The following ABCB5 variants were observed in gnomAD, a reference collection of about 807,000 sequenced individuals.
ABCB5 encodes the protein ATP binding cassette subfamily B member 5.
Under a neutral mutation model 144.2 loss-of-function variants are expected in ABCB5, and 155 were observed. That is an observed-to-expected ratio of 1.08 (90% CI 0.94 to 1.23). ABCB5 has a LOEUF of 1.23. ABCB5 is among the 50% of genes most tolerant of loss of function. The pLI is 0.00. For synonymous variants in ABCB5, 610 were observed against 528.6 expected (o/e 1.15, Z -2.11); for missense variants, 1,830 against 1,520.8 (o/e 1.20, Z -3.38).
chr7:20,735,132 A>G (rs1315905182), intron 23 of ABCB5, among the ~76,000 whole-genome samples: 1 of 152,200 alleles, frequency 6.6e-6, no homozygotes. Context: ...CATATAGGTA[A>G]GAAAGAATCA....
chr7:20,677,318 T>G (rs1785649061), intron 14 of ABCB5, among the ~76,000 whole-genome samples: 1 of 152,230 alleles, frequency 6.6e-6, no homozygotes, highest in Admixed American at 6.5e-5. Context: ...CTACTTTTTG[T>G]GACAGGAAAT....
At chr7:20,646,231 A>G in intron 9 of ABCB5, 93 bp downstream of exon 9, 1 of 1,227,006 alleles carries the variant, frequency 8.1e-7, no homozygotes, top group Non-Finnish European at 1.1e-6. Context: ...ATATTCAAAG[A>G]TGGATGTTTT....
chr7:20,680,474 G>A (rs1441295261), intron 14 of ABCB5, among the ~76,000 whole-genome samples: 3 of 151,940 alleles, frequency 2.0e-5, no homozygotes, highest in African/African-American at 7.3e-5. Context: ...TCAGGAGGCT[G>A]AGGCAGAATG....
chr7:20,637,609 G>A (rs1308000288), intron 5 of ABCB5, among the ~76,000 whole-genome samples: 2 of 151,888 alleles, frequency 1.3e-5, no homozygotes, highest in Non-Finnish European at 2.9e-5. Context: ...TAGTAGAAAT[G>A]GGGGTTCTCC....
At chr7:20,644,850 C>T (rs1784367991) in intron 7 of ABCB5, among the ~76,000 whole-genome samples, 1 of 152,184 alleles carries the variant, frequency 6.6e-6, no homozygotes, top group African/African-American at 2.4e-5. Context: ...ATTTGGACAG[C>T]ATGTCTTTAC....
intron 3 of ABCB5, 50 bp from the exon 4 acceptor site, chr7:20,628,638 G>GTGTT: frequency 6.4e-7 from 1 of 1,572,296 alleles, no homozygotes; most frequent in Non-Finnish European, 8.7e-7. Context: ...TGTGCTTGGT[G>GTGTT]TGTTTGTTTG....
intron 5 of ABCB5, among the ~76,000 whole-genome samples, chr7:20,642,213 C>T (rs894654882): frequency 6.6e-6 from 1 of 152,138 alleles, no homozygotes; most frequent in Non-Finnish European, 1.5e-5. Context: ...CTGTAAAAAC[C>T]CTAGAATATG....
At chr7:20,676,383 T>C (rs1785609547) in intron 14 of ABCB5, among the ~76,000 whole-genome samples, 2 of 151,850 alleles carry the variant, frequency 1.3e-5, no homozygotes. Flanking sequence ...TAAAGAAAAA[T>C]ATGATACCTA....
At chr7:20,697,336 T>G (rs1477891879) in intron 16 of ABCB5, among the ~76,000 whole-genome samples, 1 of 152,198 alleles carries the variant, frequency 6.6e-6, no homozygotes, top group East Asian at 1.9e-4. Flanking sequence ...ATAGTCTTAC[T>G]TGAAGAATTC....
chr7:20,646,180 T>C (rs759286213), intron 9 of ABCB5, 42 bp downstream of exon 9: 1 of 1,551,876 alleles, frequency 6.4e-7, no homozygotes, highest in Non-Finnish European at 8.7e-7. Flanking sequence ...CTGGATAATC[T>C]TTCCTTACCT....
At chr7:20,715,601 A>C (rs1343989542) in intron 20 of ABCB5, among the ~76,000 whole-genome samples, 1 of 151,960 alleles carries the variant, frequency 6.6e-6, no homozygotes. Flanking sequence ...GTAGAGACAG[A>C]GTCTTGCATG....
rs118083328 is a variant in ABCB5 at position 20,672,762 on chromosome 7, C to T, written c.1708-8743C>T. Among the ~76,000 whole-genome samples the T allele has an allele frequency of 4.4e-3, 673 of 152,114 alleles. 3 individuals carry two copies. The highest frequency in any genetic ancestry group is 9.2e-3 in the Admixed American group (140 of 15,266). ...TTTGCATATAGACTTCCAGTTGGTC[C>T]TGTACAATTTGTTGAAAAAATTATC... On this transcript the variant is annotated intron_variant, in intron 14 of 27. Transcript: ENST00000404938.
At chr7:20,685,880 A>T (rs758694130) in intron 16 of ABCB5, 44 bp downstream of exon 16, 1 of 1,544,622 alleles carries the variant, frequency 6.5e-7, no homozygotes, top group Admixed American at 2.2e-5. Flanking sequence ...ATGTTTTCTA[A>T]TTTTGATTTA....
chr7:20,700,925 G>C (rs560512552), intron 19 of ABCB5, among the ~76,000 whole-genome samples: 1 of 152,190 alleles, frequency 6.6e-6, no homozygotes, highest in African/African-American at 2.4e-5. Context: ...CAACTGAGTC[G>C]TCAAAACCCA....
intron 14 of ABCB5, among the ~76,000 whole-genome samples, chr7:20,668,635 G>T (rs1396397498): frequency 6.7e-6 from 1 of 149,032 alleles, no homozygotes; most frequent in Non-Finnish European, 1.5e-5. Flanking sequence ...CCCCGTCCGG[G>T]AGGTGAGGGA....
At chr7:20,705,586 T>C (rs1786794846) in intron 20 of ABCB5, among the ~76,000 whole-genome samples, 1 of 152,192 alleles carries the variant, frequency 6.6e-6, no homozygotes, top group Non-Finnish European at 1.5e-5. Flanking sequence ...TTATAGGCTT[T>C]CCTTTTTCCT....
chr7:20,693,300 A>G (rs1453192845), intron 16 of ABCB5, among the ~76,000 whole-genome samples: 1 of 152,136 alleles, frequency 6.6e-6, no homozygotes, highest in African/African-American at 2.4e-5. Context: ...CAAGACTTTG[A>G]GGCTGCAGTG....
At chr7:20,668,360 A>G (rs1785290807) in intron 14 of ABCB5, among the ~76,000 whole-genome samples, 1 of 134,446 alleles carries the variant, frequency 7.4e-6, no homozygotes, top group Non-Finnish European at 1.6e-5. Context: ...TGTGGGGAGC[A>G]CCTCTGCCCC....
In ABCB5 at chr7:20,667,632, T is replaced by C. The variant is rs1032767271; in HGVS notation, c.1707+8956T>C. On this transcript the variant is annotated intron_variant, in intron 14 of 27. Coordinates refer to ENST00000404938, the MANE Select transcript of ABCB5 (RefSeq NM_001163941.2). ...CATCACGTGGCTTCATGAATAAGAT[T>C]TGAGATCTGTTTGCTTTTGGAAAAT... 2.7e-5 allele frequency: 23 copies of C among 839,480 alleles called. 1 individual carries two copies. The highest frequency in any genetic ancestry group is 3.0e-5 in the Non-Finnish European group (21 of 697,966). The allele number at this position is 839,480 out of a possible 1,614,324, so 52.0% of individuals were successfully genotyped here.
Sources: allele counts gnomAD v4.1 joint callset (sites outside exome capture counted in the v4.1 genomes callset), GRCh38; gene constraint gnomAD v4.1.1; transcripts MANE v1.5; gene names NCBI Gene and HGNC (gene_info 2026-07-23, HGNC 2026-07-21).